CDYL: variants seen among roughly 807,000 people sequenced by gnomAD.
CDYL encodes the protein chromodomain Y-like protein.
In CDYL, 8 loss-of-function variants were observed where a neutral mutation model predicts 47.3. That is an observed-to-expected ratio of 0.17 (90% CI 0.10 to 0.31). CDYL has a LOEUF of 0.31. Among genes scored for constraint, CDYL ranks in the 10% least tolerant of loss-of-function variants. CDYL has a pLI of 1.00. For synonymous variants in CDYL, 266 were observed against 265.0 expected (o/e 1.00, Z -0.04); for missense variants, 471 against 701.4 (o/e 0.67, Z 3.71).
intron 1 of CDYL, chr6:4,714,409 G>T (rs139588628): frequency 6.6e-6 from 1 of 152,182 alleles, no homozygotes; most frequent in Non-Finnish European, 1.5e-5. Context: ...AATGATTCTA[G>T]ATGATTGCTC....
intron 2 of CDYL, among the ~76,000 whole-genome samples, chr6:4,720,719 G>A (rs753864573): frequency 3.3e-5 from 5 of 152,188 alleles, no homozygotes; most frequent in Non-Finnish European, 5.9e-5. Flanking sequence ...TAAATGGCAG[G>A]AGTAAAGGGA....
At chr6:4,772,940 T>C, upstream of CDYL, 1 of 360,552 alleles carries the variant, frequency 2.8e-6, no homozygotes, top group South Asian at 2.1e-5. Context: ...GATTCAAATG[T>C]AGATGAAATG....
At chr6:4,897,761 A>AAAT (rs386405975) in intron 2 of CDYL, among the ~76,000 whole-genome samples, 1 of 326 alleles carries the variant, frequency 3.1e-3, no homozygotes, top group Non-Finnish European at 0.033. Flanking sequence ...TCATAAAAAT[A>AAAT]ACTATTTTCC....
chr6:4,812,511 ACTTT>A (rs1391460339), intron 1 of CDYL, among the ~76,000 whole-genome samples: 1 of 152,166 alleles, frequency 6.6e-6, no homozygotes, highest in African/African-American at 2.4e-5. Flanking sequence ...TCTGACTCTT[ACTTT>A]GTTTCAGTGA....
intron 3 of CDYL, among the ~76,000 whole-genome samples, chr6:4,743,914 G>C (rs1049063431): frequency 2.0e-5 from 3 of 152,202 alleles, no homozygotes; most frequent in Non-Finnish European, 4.4e-5. Context: ...ATATGACTTA[G>C]ATAAAATACC....
intron 2 of CDYL, among the ~76,000 whole-genome samples, chr6:4,924,113 G>A (rs1468370900): frequency 6.6e-6 from 1 of 152,078 alleles, no homozygotes; most frequent in East Asian, 1.9e-4. Context: ...TTAGTCTTAG[G>A]AAAATATAAT....
At chr6:4,734,820 G>A (rs146918178) in exon 3 of CDYL, 22 of 1,614,162 alleles carry the variant, frequency 1.4e-5, no homozygotes, top group Non-Finnish European at 1.7e-5. Flanking sequence ...AGCAAAGCGG[G>A]GCACAGCAGC....
intron 4 of CDYL, among the ~76,000 whole-genome samples, chr6:4,943,233 T>C (rs1025435574): frequency 2.6e-4 from 40 of 152,134 alleles, no homozygotes; most frequent in African/African-American, 8.9e-4. Context: ...GGGAGCAAGA[T>C]GTGTTGTTTA....
At chr6:4,922,841 G>A (rs1757756340) in intron 2 of CDYL, among the ~76,000 whole-genome samples, 4 of 152,256 alleles carry the variant, frequency 2.6e-5, no homozygotes, top group Middle Eastern at 3.4e-3. Flanking sequence ...GACCTGCAGC[G>A]GGTGCCCAGC....
intron 1 of CDYL, among the ~76,000 whole-genome samples, chr6:4,860,570 T>A (rs1013104322): frequency 6.8e-6 from 1 of 147,532 alleles, no homozygotes; most frequent in Non-Finnish European, 1.5e-5. Flanking sequence ...TTATATATAT[T>A]TTGTATATTA....
chr6:4,818,266 TAAAATATAAAATAAAATAAAATGGAAAAC>T (rs971388187), intron 1 of CDYL, among the ~76,000 whole-genome samples: 2 of 150,648 alleles, frequency 1.3e-5, no homozygotes, highest in Non-Finnish European at 3.0e-5. Context: ...AAAAATAAAA[TAAAATATAAAATAAAATAAAATGGAAAAC>T]ACCAAGAAAA....
intron 1 of CDYL, chr6:4,714,176 G>C (rs562930831): frequency 1.3e-5 from 2 of 151,570 alleles, no homozygotes; most frequent in African/African-American, 4.8e-5. Context: ...TGGATAGACT[G>C]ACTCCACAGT....
At chr6:4,763,782 A>C (rs933439564) in intron 3 of CDYL, among the ~76,000 whole-genome samples, 2 of 152,302 alleles carry the variant, frequency 1.3e-5, no homozygotes, top group East Asian at 3.9e-4. Context: ...ATCTCTACTA[A>C]AAATACAAAA....
At chr6:4,762,897 T>C (rs1170394135) in intron 3 of CDYL, among the ~76,000 whole-genome samples, 1 of 152,032 alleles carries the variant, frequency 6.6e-6, no homozygotes, top group Non-Finnish European at 1.5e-5. Context: ...GCTGACAAAA[T>C]TTTGCAAGCT....
chr6:4,921,272 C>T (rs1460512880), intron 2 of CDYL, among the ~76,000 whole-genome samples: 1 of 152,202 alleles, frequency 6.6e-6, no homozygotes, highest in Non-Finnish European at 1.5e-5. Flanking sequence ...GACTAAGCCT[C>T]GTTTTCTCTC....
At chr6:4,822,804 A>G (rs188624243) in intron 1 of CDYL, among the ~76,000 whole-genome samples, 38 of 152,332 alleles carry the variant, frequency 2.5e-4, no homozygotes, top group African/African-American at 7.7e-4. Flanking sequence ...CATGTAGACA[A>G]CAACAAAACC....
intron 1 of CDYL, among the ~76,000 whole-genome samples, chr6:4,866,886 A>C (rs1761338862): frequency 6.6e-6 from 1 of 152,066 alleles, no homozygotes; most frequent in African/African-American, 2.4e-5. Context: ...AAGGGAATGG[A>C]TTCTCAAAAT....
At chr6:4,706,583 G>A (rs1204196603) in intron 1 of CDYL, among the ~76,000 whole-genome samples, 6 of 152,040 alleles carry the variant, frequency 3.9e-5, no homozygotes, top group South Asian at 2.1e-4. Flanking sequence ...TCAGGAGTTC[G>A]AGACCAGCAT....
chr6:4,852,429 C>CTCCT (rs138345005), intron 1 of CDYL, among the ~76,000 whole-genome samples: 5 of 118,324 alleles, frequency 4.2e-5, no homozygotes, highest in East Asian at 2.6e-4. Flanking sequence ...TCCTTCCTTC[C>CTCCT]TCCTTCCTTC....
Sources: allele counts gnomAD v4.1 joint callset (sites outside exome capture counted in the v4.1 genomes callset), GRCh38; gene constraint gnomAD v4.1.1; transcripts MANE v1.5; gene names NCBI Gene and HGNC (gene_info 2026-07-23, HGNC 2026-07-21).